SLC24A2: variants seen among roughly 807,000 people sequenced by gnomAD.
SLC24A2 encodes the protein solute carrier family 24 member 2.
SLC24A2 carries 36 observed loss-of-function variants against 62.0 expected under a neutral mutation model. That is an observed-to-expected ratio of 0.58 (90% CI 0.44 to 0.77). The LOEUF (loss-of-function observed/expected upper bound fraction) is 0.77, where lower values mean the gene tolerates loss of function less well. SLC24A2 is among the 30% of genes least tolerant of loss of function. SLC24A2 has a pLI of 0.00. For missense variants in SLC24A2, 846 were observed against 817.9 expected (o/e 1.03, Z -0.42); for synonymous variants, 358 against 294.0 (o/e 1.22, Z -2.23).
the SLC24A2 span, among the ~76,000 whole-genome samples, chr9:19,979,737 C>T: frequency 0.78 from 118,208 of 152,104 alleles, 46,245 homozygotes; most frequent in Non-Finnish European, 0.82. Flanking sequence ...GTAATCCTCT[C>T]CATTGCCTGA....
At chr9:20,023,227 A>T in the SLC24A2 span, among the ~76,000 whole-genome samples, 2 of 152,224 alleles carry the variant, frequency 1.3e-5, no homozygotes, top group Non-Finnish European at 2.9e-5. Context: ...GAAATTATTC[A>T]TTTGACCTGG....
chr9:20,114,161 A>T, the SLC24A2 span, among the ~76,000 whole-genome samples: 2 of 152,050 alleles, frequency 1.3e-5, no homozygotes, highest in East Asian at 1.9e-4. Flanking sequence ...TGGTCCAAAG[A>T]TCTGCGCAGG....
chr9:19,905,492 T>A, the SLC24A2 span, among the ~76,000 whole-genome samples: 2 of 151,236 alleles, frequency 1.3e-5, no homozygotes, highest in East Asian at 3.9e-4. Context: ...CAACACAACC[T>A]CTGCTTCCTA....
the SLC24A2 span, among the ~76,000 whole-genome samples, chr9:19,909,787 T>C: frequency 6.6e-6 from 1 of 152,108 alleles, no homozygotes; most frequent in East Asian, 1.9e-4. Flanking sequence ...TGATTTTCAA[T>C]TGCTTTCAGC....
the SLC24A2 span, among the ~76,000 whole-genome samples, chr9:19,819,128 G>C: frequency 6.6e-6 from 1 of 152,044 alleles, no homozygotes; most frequent in African/African-American, 2.4e-5. Flanking sequence ...AATGGTGCTG[G>C]GATAATTGGC....
At chr9:19,966,853 A>C in the SLC24A2 span, among the ~76,000 whole-genome samples, 1 of 152,216 alleles carries the variant, frequency 6.6e-6, no homozygotes, top group Non-Finnish European at 1.5e-5. Context: ...AATTAGTAGA[A>C]GAAATTACTA....
the SLC24A2 span, among the ~76,000 whole-genome samples, chr9:19,798,036 T>C: frequency 6.6e-6 from 1 of 152,200 alleles, no homozygotes; most frequent in Admixed American, 6.5e-5. Context: ...AGGTCTTGTA[T>C]GGGCGAGTTC....
intron 7 of SLC24A2, among the ~76,000 whole-genome samples, chr9:19,552,371 G>A (rs1009991781): frequency 2.2e-4 from 33 of 152,292 alleles, no homozygotes; most frequent in African/African-American, 7.2e-4. Flanking sequence ...ATATTTTCCT[G>A]TCTGTTCCCT....
chr9:20,050,726 G>C, the SLC24A2 span, among the ~76,000 whole-genome samples: 2 of 152,168 alleles, frequency 1.3e-5, no homozygotes, highest in Non-Finnish European at 2.9e-5. Flanking sequence ...AAATATTGGA[G>C]TCTGGTTTTA....
At chr9:19,614,046 G>C (rs756239913) in intron 4 of SLC24A2, among the ~76,000 whole-genome samples, 5 of 152,150 alleles carry the variant, frequency 3.3e-5, no homozygotes, top group Non-Finnish European at 5.9e-5. Context: ...ATCATTTTGA[G>C]ACAAATGGTA....
chr9:19,985,967 T>C, the SLC24A2 span, among the ~76,000 whole-genome samples: 1 of 152,102 alleles, frequency 6.6e-6, no homozygotes, highest in Non-Finnish European at 1.5e-5. Context: ...TCAAATGATA[T>C]TATTAAGAAA....
At chr9:20,138,874 G>A in the SLC24A2 span, among the ~76,000 whole-genome samples, 1 of 152,172 alleles carries the variant, frequency 6.6e-6, no homozygotes, top group African/African-American at 2.4e-5. Context: ...TTCGCTCCCA[G>A]GCGAAGGCCT....
At chr9:20,032,623 C>T in the SLC24A2 span, among the ~76,000 whole-genome samples, 9 of 152,260 alleles carry the variant, frequency 5.9e-5, no homozygotes, top group African/African-American at 2.2e-4. Context: ...ATCCTGTTTA[C>T]AGTAAAATGT....
the SLC24A2 span, among the ~76,000 whole-genome samples, chr9:19,930,230 G>A: frequency 1.3e-5 from 2 of 152,080 alleles, no homozygotes; most frequent in African/African-American, 4.8e-5. Flanking sequence ...AGTCCTGCAA[G>A]CTCCATTCAT....
At chr9:19,543,901 A>T (rs1470171715) in intron 8 of SLC24A2, among the ~76,000 whole-genome samples, 2 of 152,176 alleles carry the variant, frequency 1.3e-5, no homozygotes, top group Non-Finnish European at 2.9e-5. Context: ...AAGAATGTAT[A>T]TTCTTCTGAT....
chr9:19,837,666 A>G, the SLC24A2 span, among the ~76,000 whole-genome samples: 2 of 151,734 alleles, frequency 1.3e-5, no homozygotes, highest in Non-Finnish European at 2.9e-5. Flanking sequence ...TATCTAGAAA[A>G]CCCCATCGTC....
the SLC24A2 span, among the ~76,000 whole-genome samples, chr9:20,072,478 C>G: frequency 6.6e-6 from 1 of 152,034 alleles, no homozygotes; most frequent in Non-Finnish European, 1.5e-5. Flanking sequence ...TATCTAGGAA[C>G]TATGGACAAA....
Position 19,786,922 on chromosome 9 carries a change from TCTTTCATA to T in SLC24A2, c.-64_-57del. ...CCAACTTTAGACTCAACCAGATGGT[TCTTTCATA>T]CTTTTCCTTACTTTATAGTTAACGA... On this transcript the variant is annotated 5_prime_UTR_variant, in exon 2 of 11. The change abolishes an upstream ATG in the 5' untranslated region. Coordinates refer to ENST00000341998, the MANE Select transcript of SLC24A2 (RefSeq NM_020344.4). The surrounding 1 kb of genome is among the most constrained non-coding windows in gnomAD (Gnocchi z 5.0). The T allele has an allele frequency of 6.3e-7, 1 of 1,592,348 alleles. No individual in the cohort carries two copies. The highest frequency in any genetic ancestry group is 8.5e-7 in the Non-Finnish European group (1 of 1,176,670).
At chr9:19,575,649 A>C (rs1163238152) in intron 6 of SLC24A2, among the ~76,000 whole-genome samples, 1 of 152,244 alleles carries the variant, frequency 6.6e-6, no homozygotes, top group Non-Finnish European at 1.5e-5. Context: ...AGCCCCAATA[A>C]CATTAGAAGA....
Sources: allele counts gnomAD v4.1 joint callset (sites outside exome capture counted in the v4.1 genomes callset), GRCh38; gene constraint gnomAD v4.1.1; non-coding constraint Gnocchi (gnomAD v3.1); transcripts MANE v1.5; gene names NCBI Gene and HGNC (gene_info 2026-07-23, HGNC 2026-07-21).